The following C8B variants were observed in gnomAD, a reference collection of about 807,000 sequenced individuals.
C8B encodes complement component C8 beta chain.
A neutral mutation model predicts 64.6 loss-of-function variants in C8B; 67 were observed. The observed-to-expected ratio is 1.04, with a 90% CI of 0.85 to 1.27. The LOEUF (loss-of-function observed/expected upper bound fraction) is 1.27. C8B is among the 50% of genes most tolerant of loss of function. C8B has a pLI of 0.00. For synonymous variants in C8B, 284 were observed against 257.7 expected (o/e 1.10, Z -0.98); for missense variants, 790 against 725.2 (o/e 1.09, Z -1.03).
intron 1 of C8B, among the ~76,000 whole-genome samples, chr1:56,961,092 C>T (rs1645172799): frequency 6.6e-6 from 1 of 152,148 alleles, no homozygotes; most frequent in Non-Finnish European, 1.5e-5. Flanking sequence ...TGGTTCATTT[C>T]CTGGAGCACA....
intron 1 of C8B, among the ~76,000 whole-genome samples, chr1:56,962,154 G>A (rs1375690963): frequency 1.3e-5 from 2 of 152,236 alleles, no homozygotes; most frequent in South Asian, 2.1e-4. Flanking sequence ...AATTATTTTC[G>A]TCTCTGAGAT....
In C8B at chr1:56,949,719, A is replaced by G; in HGVS notation, c.700T>C (p.Tyr234His). 1 of 1,613,682 alleles carries G rather than the reference A, an allele frequency of 6.2e-7. No homozygotes were observed. The highest frequency in any genetic ancestry group is 8.5e-7 in the Non-Finnish European group (1 of 1,179,834). ...CGTTCAAAATCTGAGTATGATTCAT[A>G]CTCTTTTAATATGAATTCGTATTTG... ...QGKYEFILKE[Y>H]ESYSDFERNV... is the part of the protein sequence containing the mutation. Residue 234 changes from tyrosine (Y) to histidine (H), a missense_variant, in exon 6 of 12, where the codon TAT becomes CAT. Transcript: ENST00000371237.
chr1:56,950,884 A>G (rs575862801), intron 5 of C8B, among the ~76,000 whole-genome samples: 1 of 152,242 alleles, frequency 6.6e-6, no homozygotes, highest in South Asian at 2.1e-4. Flanking sequence ...GTCCTGCCTG[A>G]GTTAGGATCC....
At chr1:56,964,922 T>A (rs951919438) in intron 1 of C8B, among the ~76,000 whole-genome samples, 2 of 152,204 alleles carry the variant, frequency 1.3e-5, no homozygotes, top group African/African-American at 4.8e-5. Flanking sequence ...CTGGGCTAAA[T>A]GGAGTTTCTT....
chr1:56,960,587 G>C (rs546270219), intron 1 of C8B, among the ~76,000 whole-genome samples: 8 of 152,220 alleles, frequency 5.3e-5, no homozygotes, highest in Admixed American at 5.2e-4. Context: ...AGTCAGGAGA[G>C]CCTGGTAGTA....
At chr1:56,963,847 G>A (rs541656255) in intron 1 of C8B, 18 of 985,100 alleles carry the variant, frequency 1.8e-5, no homozygotes, top group East Asian at 2.3e-4. Flanking sequence ...TAGGTCTTAC[G>A]ACACAGTGAT....
At position 56,943,863 on chromosome 1, in the gene C8B, T is replaced by G. The variant is rs573180599; in HGVS notation, c.1106-39A>C. On this transcript the variant is annotated intron_variant, in intron 7 of 11. Transcript: ENST00000371237. ...GGAAAAAGGTCCATGACGTAAAAGGTAGTTCACTCTGTCCCTTTTCCTATG... is the reference window on the plus strand; with the variant it reads ...GGAAAAAGGTCCATGACGTAAAAGGGAGTTCACTCTGTCCCTTTTCCTATG... The G allele has an allele frequency of 1.9e-6, 3 of 1,611,052 alleles. No homozygotes were observed. The African/African-American group carries it at 4.0e-5, about 21-fold the overall frequency.
At chr1:56,945,672 A>G (rs1232522318) in intron 7 of C8B, 149 bp downstream of exon 7, 1 of 975,320 alleles carries the variant, frequency 1.0e-6, no homozygotes, top group Admixed American at 1.8e-5. Context: ...GCAGAGGAGG[A>G]CTGACATTGT....
chr1:56,949,053 G>C (rs1366172869), intron 6 of C8B, among the ~76,000 whole-genome samples: 1 of 151,914 alleles, frequency 6.6e-6, no homozygotes, highest in Non-Finnish European at 1.5e-5. Context: ...AAGATAATTG[G>C]TTGTTAGAAC....
intron 9 of C8B, among the ~76,000 whole-genome samples, chr1:56,939,433 T>A (rs767222185): frequency 2.6e-5 from 4 of 152,188 alleles, no homozygotes; most frequent in Non-Finnish European, 5.9e-5. Context: ...AATAAAGAAA[T>A]CACCAGGCTG....
At chr1:56,939,705 G>A (rs1644823308) in intron 9 of C8B, among the ~76,000 whole-genome samples, 1 of 152,208 alleles carries the variant, frequency 6.6e-6, no homozygotes, top group Non-Finnish European at 1.5e-5. Flanking sequence ...TGGGTGACAA[G>A]TGGTTAGGAT....
intron 1 of C8B, among the ~76,000 whole-genome samples, chr1:56,961,666 A>G (rs1189863694): frequency 6.6e-6 from 1 of 152,198 alleles, no homozygotes; most frequent in African/African-American, 2.4e-5. Context: ...AGCATCACGT[A>G]GTTTTCACCA....
Sources: gnomAD v4.1 joint callset for allele counts (sites outside exome capture counted in the v4.1 genomes callset) on GRCh38, gnomAD v4.1.1 for gene constraint, MANE v1.5 for transcripts, NCBI Gene and HGNC (gene_info 2026-07-23, HGNC 2026-07-21) for gene names.